Variants in TNRC18 observed in about 807,000 individuals in gnomAD.
The protein encoded by TNRC18 is trinucleotide repeat containing 18, also known as trinucleotide repeat-containing gene 18 protein.
A neutral mutation model predicts 226.7 loss-of-function variants in TNRC18; 69 were observed. That is an observed-to-expected ratio of 0.30 (90% CI 0.25 to 0.37). The LOEUF (loss-of-function observed/expected upper bound fraction) is 0.37. Among genes scored for constraint, TNRC18 ranks in the 10% least tolerant of loss-of-function variants. The pLI, the probability that TNRC18 is intolerant of heterozygous loss-of-function variation, is 1.00. For synonymous variants in TNRC18, 2,449 were observed against 1,927.6 expected, an observed-to-expected ratio of 1.27 and a Z score of -7.09; for missense variants, 4,754 against 4,256.6, an observed-to-expected ratio of 1.12 and a Z score of -3.25.
In TNRC18 at chr7:5,388,279, C is replaced by T. The variant is rs1217796066; in HGVS notation, c.1545G>A (p.Leu515=). 6.2e-7 allele frequency: 1 copy of T among 1,609,272 alleles called. No individual in the cohort carries two copies. Among genetic ancestry groups the T allele is most frequent in the Non-Finnish European group, 8.5e-7 (1 of 1,178,472 alleles). ...GPEHKWKPFE[L]GNFAATQMAV... is the part of the protein sequence containing the mutation. ...CCATCTGCGTGGCGGCGAAGTTGCC[C>T]AGCTCGAAGGGTTTCCATTTATGCT... Residue 515 remains leucine, a synonymous_variant, in exon 5 of 30, where the codon CTG becomes CTA. Coordinates refer to ENST00000430969, the MANE Select transcript of TNRC18 (RefSeq NM_001080495.3).
In TNRC18 at chr7:5,389,343, A is replaced by G; in HGVS notation, c.488-7T>C. ...GTGGGCAGGTAGAAACCGTCTGCGG[A>G]GAAGGGAACAGCAGGCAGTGAGCGA... On this transcript the variant is annotated splice_polypyrimidine_tract_variant and splice_region_variant and intron_variant, in intron 4 of 29. Transcript: ENST00000430969. The G allele has an allele frequency of 7.9e-7, 1 of 1,272,124 alleles. No homozygotes were observed. The highest frequency in any genetic ancestry group is 2.8e-4 in the Middle Eastern group (1 of 3,632). The allele number at this position is 1,272,124 out of a possible 1,614,324, so 78.8% of individuals were successfully genotyped here.
chr7:5,357,097 G>A lies in TNRC18; in HGVS notation c.5013C>T (p.Ser1671=). The change falls in exon 16 of 30, where the codon AGC becomes AGT. Residue 1671 remains serine, a synonymous_variant. Coordinates refer to ENST00000430969, the MANE Select transcript of TNRC18 (RefSeq NM_001080495.3). ...GCGCCTTCCTGTTCTTCCCCAGCAG[G>A]CTGTCGTAAGGAGTCAAGTACCTGC... ...GCGRYLTPYD[S]LLGKNRKALA... The A allele has an allele frequency of 6.4e-7, 1 of 1,552,236 alleles. No individual in the cohort carries two copies. Among genetic ancestry groups the A allele is most frequent in the Non-Finnish European group, 8.7e-7 (1 of 1,147,178 alleles).
At chr7:5,403,050 A>C (rs1484783004) in intron 2 of TNRC18, among the ~76,000 whole-genome samples, 1 of 151,588 alleles carries the variant, frequency 6.6e-6, no homozygotes, top group African/African-American at 2.4e-5. Flanking sequence ...CCAAACCTAC[A>C]CTTCTCCACT....
intron 2 of TNRC18, among the ~76,000 whole-genome samples, chr7:5,405,047 AC>A (rs1781372513): frequency 6.6e-6 from 1 of 150,976 alleles, no homozygotes; most frequent in African/African-American, 2.4e-5. Context: ...AACCTGGGAG[AC>A]AGAGGTTGCA....
rs1478259244 is a variant in TNRC18, at chr7:5,370,423, T to C, written c.4171A>G (p.Ser1391Gly). 1.3e-6 allele frequency: 2 copies of C among 1,554,552 alleles called. No individual in the cohort carries two copies. The highest frequency in any genetic ancestry group is 8.7e-7 in the Non-Finnish European group (1 of 1,148,596). ...QSFLHGITLLSEIAELELERR... is the reference protein window; with the variant it reads ...QSFLHGITLLGEIAELELERR... ...TCCAGCTCCAGCTCTGCGATCTCAC[T>C]TAGCAGGGTGATGCCATGCAGGAAG... is the stretch of plus-strand genomic sequence containing the variant. Residue 1391 changes from serine (S) to glycine (G), a missense_variant, in exon 11 of 30, where the codon AGT becomes GGT. Ser to Gly is a moderately conservative substitution (Grantham distance 56). Transcript: ENST00000430969.
intron 18 of TNRC18, 26 bp downstream of exon 18, chr7:5,345,536 A>T: frequency 5.5e-6 from 1 of 180,320 alleles, no homozygotes; most frequent in Non-Finnish European, 1.0e-5. Flanking sequence ...ACCCACCCCC[A>T]CCGCAGCCCA....
chr7:5,356,832 G>T (rs958054812), intron 16 of TNRC18, 84 bp downstream of exon 16: 457 of 1,435,610 alleles, frequency 3.2e-4, no homozygotes, highest in Non-Finnish European at 4.1e-4. Flanking sequence ...GTGAGGGGCG[G>T]GGGGGGAAGG....
intron 9 of TNRC18, among the ~76,000 whole-genome samples, 171 bp downstream of exon 9, chr7:5,375,863 C>T (rs985473125): frequency 2.0e-5 from 3 of 152,230 alleles, no homozygotes; most frequent in African/African-American, 4.8e-5. Context: ...CTACAGATGG[C>T]TCCAGGTCTC....
chr7:5,333,134 C>G (rs576934564), intron 18 of TNRC18, 85 bp from the exon 19 acceptor site: 1 of 1,450,552 alleles, frequency 6.9e-7, no homozygotes, highest in South Asian at 1.2e-5. Flanking sequence ...CATTCCTCCC[C>G]GGCGGGACCT....
Position 5,347,956 on chromosome 7 carries a change from AAAT to A in TNRC18, c.5471-2149_5471-2147del, listed in dbSNP as rs997286605. On this transcript the variant is annotated intron_variant, in intron 17 of 29. Transcript: ENST00000430969. ...TGACAGAGCAAGACTCCGTCTCAAAAAATAATAATAAGTAATAAAAACTTTAAA... is the reference window on the plus strand; with the variant it reads ...TGACAGAGCAAGACTCCGTCTCAAAAAATAATAAGTAATAAAAACTTTAAA... Among the ~76,000 whole-genome samples, 13 of 152,272 alleles carry A rather than the reference AAAT, an allele frequency of 8.5e-5. 1 individual carries two copies. Among genetic ancestry groups the A allele is most frequent in the Admixed American group, 2.6e-4 (4 of 15,302 alleles).
chr7:5,356,468 C>T (rs1792391788), intron 16 of TNRC18, among the ~76,000 whole-genome samples: 1 of 152,384 alleles, frequency 6.6e-6, no homozygotes, highest in East Asian at 1.9e-4. Flanking sequence ...TGGTCCGCAA[C>T]AGACGGCATG....
At chr7:5,420,914 C>T (rs1423033595) in intron 2 of TNRC18, 146 bp downstream of exon 2, 4 of 1,011,164 alleles carry the variant, frequency 4.0e-6, no homozygotes, top group Non-Finnish European at 6.0e-6. Flanking sequence ...CAGGAGTTTC[C>T]CAGCCCTGGG....
Position 5,374,324 on chromosome 7 carries a change from C to G in TNRC18, c.2960G>C (p.Gly987Ala). ...GLAAGPAGTY[G>A]KAVSPPPSPR... ...TGATGGTGGCGGGCTCACGGCCTTG[C>G]CGTAGGTGCCCGCGGGGCCGGCGGC... is the stretch of plus-strand genomic sequence containing the variant. Residue 987 changes from glycine to alanine, a missense_variant, in exon 10 of 30, where the codon GGC (glycine) becomes GCC (alanine). Coordinates refer to ENST00000430969, the MANE Select transcript of TNRC18 (RefSeq NM_001080495.3). The G allele has an allele frequency of 1.4e-6, 2 of 1,426,596 alleles. No homozygotes were observed. Among genetic ancestry groups the G allele is most frequent in the South Asian group, 1.6e-5 (1 of 63,826 alleles). 88.4% of individuals were successfully genotyped at this position (1,426,596 alleles called of 1,614,324 possible). A position where few individuals can be genotyped will look rare whatever the true frequency, so the allele number is the denominator to read the frequency against.
chr7:5,394,622 C>T lies in TNRC18; in HGVS notation c.188-27G>A, dbSNP rs1215081658. 1.3e-6 allele frequency: 2 copies of T among 1,529,218 alleles called. No individual in the cohort carries two copies. The highest frequency in any genetic ancestry group is 1.4e-5 in the African/African-American group (1 of 71,416). 94.7% of individuals were successfully genotyped at this position (1,529,218 alleles called of 1,614,324 possible). On this transcript the variant is annotated intron_variant, in intron 2 of 29. Transcript: ENST00000430969. This position sits in a 1 kb window ranked among gnomAD's most constrained non-coding sequence, Gnocchi z 4.5. ...TGCAGAGAGAAGTTGGGAGGACCGT[C>T]AGGCAGACAACCAGGGAGGCGCCGC... is the stretch of plus-strand genomic sequence containing the variant.
At chr7:5,416,540 G>A (rs893119988) in intron 2 of TNRC18, among the ~76,000 whole-genome samples, 3 of 141,942 alleles carry the variant, frequency 2.1e-5, no homozygotes, top group African/African-American at 7.9e-5. Context: ...GACAACATAG[G>A]GAGACCCTGT....
Position 5,357,148 on chromosome 7 carries a change from C to A in TNRC18, c.4962G>T (p.Gly1654=), listed in dbSNP as rs770328144. ...SPFKFSDSAG[G]KSKTSGGCGR... is the part of the protein sequence containing the mutation. ...CGCAGCCCCCGCTAGTTTTCGATTTCCCCCCAGCACTGTCCGAAAACTTGA... is the reference window on the plus strand; with the variant it reads ...CGCAGCCCCCGCTAGTTTTCGATTTACCCCCAGCACTGTCCGAAAACTTGA... The change falls in exon 16 of 30, where the codon GGG becomes GGT. Residue 1654 remains glycine, a synonymous_variant. Coordinates refer to ENST00000430969, the MANE Select transcript of TNRC18 (RefSeq NM_001080495.3). 1 of 1,576,744 alleles carries A rather than the reference C, an allele frequency of 6.3e-7. No individual in the cohort carries two copies. Among genetic ancestry groups the A allele is most frequent in the Non-Finnish European group, 8.6e-7 (1 of 1,160,498 alleles).
At chr7:5,310,953 TGTGTGCACGTGTACTCGTGTGCATGCAC>T (rs1787124775) in intron 27 of TNRC18, among the ~76,000 whole-genome samples, 1 of 152,162 alleles carries the variant, frequency 6.6e-6, no homozygotes, top group Non-Finnish European at 1.5e-5. Context: ...CGTGTTTGTG[TGTGTGCACGTGTACTCGTGTGCATGCAC>T]GTGCATGGAT....
At chr7:5,412,226 T>G (rs187401085) in intron 2 of TNRC18, among the ~76,000 whole-genome samples, 3 of 135,136 alleles carry the variant, frequency 2.2e-5, no homozygotes, top group Non-Finnish European at 3.1e-5. Context: ...AAGCCAGATA[T>G]TCTAAGAAAT....
rs536653881 is a variant in TNRC18 at position 5,331,008 on chromosome 7, C to A, written c.6147+1614G>T. The stretch of plus-strand genomic sequence containing the variant: ...ATTATTATTGTGACTAATTGTGACA[C>A]CTGTCCTGCAAGGCCTTCAAAAACC... On this transcript the variant is annotated intron_variant, in intron 19 of 29. Coordinates refer to ENST00000430969, the MANE Select transcript of TNRC18 (RefSeq NM_001080495.3). Among the ~76,000 whole-genome samples the A allele has an allele frequency of 3.9e-5, 6 of 152,248 alleles. No homozygotes were observed. The South Asian group carries it at 1.0e-3, about 26-fold the overall frequency.
Sources: gnomAD v4.1 joint callset for allele counts (sites outside exome capture counted in the v4.1 genomes callset) on GRCh38, gnomAD v4.1.1 for gene constraint, Gnocchi (gnomAD v3.1) non-coding constraint, MANE v1.5 for transcripts, NCBI Gene and HGNC (gene_info 2026-07-23, HGNC 2026-07-21) for gene names.